The following PRKG2 variants were observed in gnomAD, a reference collection of about 807,000 sequenced individuals.
PRKG2 encodes the protein cGMP-dependent protein kinase 2.
In PRKG2, 33 loss-of-function variants were observed where a neutral mutation model predicts 97.2. That is an observed-to-expected ratio of 0.34 (90% CI 0.26 to 0.45). The LOEUF is 0.45. PRKG2 is among the 20% of genes least tolerant of loss of function. The probability of loss-of-function intolerance (pLI) is 1.00; values close to 1 mark genes in which losing one functional copy is unlikely to be tolerated. For missense variants in PRKG2, 638 were observed against 900.0 expected (o/e 0.71, Z 3.73); for synonymous variants, 330 against 321.8 (o/e 1.03, Z -0.27).
At chr4:81,147,849 T>C (rs1320510609) in intron 9 of PRKG2, among the ~76,000 whole-genome samples, 1 of 152,156 alleles carries the variant, frequency 6.6e-6, no homozygotes, top group Non-Finnish European at 1.5e-5. Context: ...TTACATGTAA[T>C]ACTTAGCTTT....
chr4:81,116,405 T>C (rs767748930), intron 14 of PRKG2, among the ~76,000 whole-genome samples: 23 of 152,356 alleles, frequency 1.5e-4, no homozygotes, highest in African/African-American at 5.0e-4. Context: ...ATGTTATATA[T>C]GTACAACATT....
intron 6 of PRKG2, among the ~76,000 whole-genome samples, chr4:81,157,783 A>T (rs1396502795): frequency 2.0e-5 from 3 of 151,408 alleles, no homozygotes; most frequent in African/African-American, 7.4e-5. Flanking sequence ...ATATACACAA[A>T]TCAATAGATG....
chr4:81,189,066 T>TTAAAAAAAAAAAAA (rs1560615683), intron 2 of PRKG2, among the ~76,000 whole-genome samples: 4 of 17,062 alleles, frequency 2.3e-4, no homozygotes, highest in Admixed American at 1.2e-3. Flanking sequence ...AAAAAAATAA[T>TTAAAAAAAAAAAAA]AAAAAAAAAA....
intron 2 of PRKG2, among the ~76,000 whole-genome samples, chr4:81,182,711 A>G (rs1347916529): frequency 2.6e-5 from 4 of 152,144 alleles, no homozygotes; most frequent in African/African-American, 9.6e-5. Context: ...CTCACTTGAT[A>G]TAAAGTCAAT....
chr4:81,121,590 T>G (rs1745075351), intron 14 of PRKG2, among the ~76,000 whole-genome samples: 1 of 150,916 alleles, frequency 6.6e-6, no homozygotes, highest in South Asian at 2.1e-4. Context: ...GACACAGAGC[T>G]CTTCACAGTT....
rs553503846 is a variant in PRKG2, at chr4:81,117,241, C to T, written c.1777-6630G>A. ...CTCCTGAACTCAAGCAATCCTCCCTCCTCGGGTGTCCCAAAGCGCTGGGAT... is the reference window on the plus strand; with the variant it reads ...CTCCTGAACTCAAGCAATCCTCCCTTCTCGGGTGTCCCAAAGCGCTGGGAT... On this transcript the variant is annotated intron_variant, in intron 14 of 18. Coordinates refer to ENST00000264399, the MANE Select transcript of PRKG2 (RefSeq NM_006259.3). Among the ~76,000 whole-genome samples the T allele has an allele frequency of 2.3e-3, 354 of 152,162 alleles. 2 individuals carry two copies. The highest frequency in any genetic ancestry group is 4.4e-3 in the Non-Finnish European group (301 of 67,996).
At chr4:81,100,780 A>G (rs1002479811) in intron 17 of PRKG2, among the ~76,000 whole-genome samples, 7 of 152,152 alleles carry the variant, frequency 4.6e-5, no homozygotes, top group Admixed American at 1.3e-4. Context: ...TGAACAGGCA[A>G]CCTACAGAAT....
At position 81,205,150 on chromosome 4, in the gene PRKG2, A is replaced by T. The variant is rs546113024; in HGVS notation, c.-13-90T>A. 2,367 of 798,110 alleles carry T rather than the reference A, an allele frequency of 3.0e-3. 14 individuals are homozygous for T. Among genetic ancestry groups the T allele is most frequent in the Non-Finnish European group, 4.1e-3 (2,118 of 515,686 alleles). The allele number at this position is 798,110 out of a possible 1,614,324, so 49.4% of individuals were successfully genotyped here. ...CTCTCATTCCTATCTTGTTTCATAA[A>T]TAGGAACACAGTAATCTTCATTGTT... On this transcript the variant is annotated intron_variant, in intron 1 of 18. Transcript: ENST00000264399.
intron 6 of PRKG2, 75 bp downstream of exon 6, chr4:81,167,086 A>T: frequency 9.6e-7 from 1 of 1,045,794 alleles, no homozygotes; most frequent in Non-Finnish European, 1.4e-6. Flanking sequence ...CTTTTTATTT[A>T]TTTATGGTGT....
At chr4:81,205,136 A>T (rs1170241070) in intron 1 of PRKG2, 76 bp from the exon 2 acceptor site, 2 of 900,252 alleles carry the variant, frequency 2.2e-6, no homozygotes, top group Non-Finnish European at 3.3e-6. Context: ...TCTCATTCCT[A>T]TCTTGTTTCA....
At chr4:81,155,213 A>C (rs1382136716) in intron 6 of PRKG2, among the ~76,000 whole-genome samples, 1 of 151,384 alleles carries the variant, frequency 6.6e-6, no homozygotes, top group African/African-American at 2.4e-5. Context: ...AACTAGGATA[A>C]CCAATACAGA....
Position 81,089,699 on chromosome 4 carries a change from T to C in PRKG2, c.*9A>G, listed in dbSNP as rs199620391. On this transcript the variant is annotated 3_prime_UTR_variant, in exon 19 of 19. Transcript: ENST00000264399. ...TGTAGAGTACAGGCAGTAATCAACTTTTCTTCTGTCAGAAGTCTTTATCCC... is the reference window on the plus strand; with the variant it reads ...TGTAGAGTACAGGCAGTAATCAACTCTTCTTCTGTCAGAAGTCTTTATCCC... The C allele has an allele frequency of 9.5e-6, 15 of 1,581,284 alleles. No homozygotes were observed. The highest frequency in any genetic ancestry group is 1.2e-5 in the Non-Finnish European group (14 of 1,150,684).
chr4:81,139,591 C>A (rs866706104), intron 12 of PRKG2, among the ~76,000 whole-genome samples: 11 of 150,702 alleles, frequency 7.3e-5, no homozygotes, highest in South Asian at 4.2e-4. Flanking sequence ...CACGGTGAAA[C>A]CCCGTCTCTA....
intron 14 of PRKG2, among the ~76,000 whole-genome samples, chr4:81,114,962 C>A (rs116157464): frequency 0.014 from 2,092 of 152,124 alleles, 53 homozygotes; most frequent in African/African-American, 0.048. Flanking sequence ...TTAATCTATA[C>A]TCTATATAGT....
chr4:81,155,264 C>A (rs1372679139), intron 6 of PRKG2, among the ~76,000 whole-genome samples: 2 of 151,404 alleles, frequency 1.3e-5, no homozygotes, highest in African/African-American at 2.4e-5. Context: ...AACCAAGGCT[C>A]GAGAACTACG....
intron 1 of PRKG2, among the ~76,000 whole-genome samples, 175 bp from the exon 2 acceptor site, chr4:81,205,235 C>A (rs1416292751): frequency 6.6e-6 from 1 of 150,808 alleles, no homozygotes; most frequent in Non-Finnish European, 1.5e-5. Flanking sequence ...CTATTGATTT[C>A]TTTTTTCCCT....
At chr4:81,180,656 A>G (rs923501065) in intron 2 of PRKG2, among the ~76,000 whole-genome samples, 21 of 152,304 alleles carry the variant, frequency 1.4e-4, no homozygotes, top group African/African-American at 5.1e-4. Flanking sequence ...GAAAAAATAG[A>G]CAAGTGTCCC....
chr4:81,157,176 C>A (rs1578439881), intron 6 of PRKG2, among the ~76,000 whole-genome samples: 1 of 151,886 alleles, frequency 6.6e-6, no homozygotes, highest in Admixed American at 6.6e-5. Context: ...AATTGATAGA[C>A]CACTAGCAAG....
intron 17 of PRKG2, among the ~76,000 whole-genome samples, chr4:81,095,433 C>T (rs988414756): frequency 1.3e-5 from 2 of 152,090 alleles, no homozygotes; most frequent in Non-Finnish European, 2.9e-5. Flanking sequence ...CTTTTGTCAC[C>T]AAATATGGCA....
Sources: gnomAD v4.1 joint callset for allele counts (sites outside exome capture counted in the v4.1 genomes callset) on GRCh38, gnomAD v4.1.1 for gene constraint, MANE v1.5 for transcripts, NCBI Gene and HGNC (gene_info 2026-07-23, HGNC 2026-07-21) for gene names.